The following DOCK2 variants were observed in gnomAD, a reference collection of about 807,000 sequenced individuals.
The protein encoded by DOCK2 is dedicator of cytokinesis 2, also known as dedicator of cytokinesis protein 2.
DOCK2 carries 87 observed loss-of-function variants against 248.9 expected under a neutral mutation model. The ratio of observed to expected loss-of-function variants is 0.35; its 90% CI spans 0.29 to 0.42. The LOEUF (loss-of-function observed/expected upper bound fraction) is 0.42. DOCK2 is among the 10% of genes least tolerant of loss of function. The pLI is 1.00. For missense variants in DOCK2, 1,747 were observed against 2,300.2 expected (o/e 0.76, Z 4.92); for synonymous variants, 805 against 821.6 (o/e 0.98, Z 0.35).
rs77089927 is a variant in DOCK2 at position 169,810,226 on chromosome 5, C to T, written c.2703+7020C>T. Among the ~76,000 whole-genome samples, 754 of 152,134 alleles carry T rather than the reference C, an allele frequency of 5.0e-3. 18 individuals carry two copies. The East Asian group carries it at 0.069, about 14-fold the overall frequency. On this transcript the variant is annotated intron_variant, in intron 26 of 51. Transcript: ENST00000520908. ...CTTCTTTTTGCCTTCTTTTCTTGTG[C>T]GCTGAGTGCTAGCAGGGTATTCTTC...
rs760655431 is a variant in DOCK2 at position 170,079,003 on chromosome 5, A to G, written c.5023A>G (p.Thr1675Ala). Residue 1675 changes from threonine to alanine, a missense_variant, in exon 49 of 52, where the codon ACG (threonine) becomes GCG (alanine). By Grantham distance (58) the Thr-to-Ala change is moderately conservative (BLOSUM62 0). Coordinates refer to ENST00000520908, the MANE Select transcript of DOCK2 (RefSeq NM_004946.3). ...SFDLELASPK[T>A]PRVEQEEPIS... ...TGACCTGGAATTAGCATCACCCAAG[A>G]CGCCGAGAGTGGAGCAGGAGGAACC... 2.0e-5 allele frequency: 32 copies of G among 1,613,930 alleles called. No homozygotes were observed. The highest frequency in any genetic ancestry group is 2.5e-5 in the Non-Finnish European group (30 of 1,180,006).
At chr5:169,720,973 C>T (rs1468542945) in intron 22 of DOCK2, among the ~76,000 whole-genome samples, 1 of 152,328 alleles carries the variant, frequency 6.6e-6, no homozygotes, top group East Asian at 1.9e-4. Flanking sequence ...CTGCCCACCT[C>T]GGCCTCCCAA....
At chr5:169,648,257 A>C (rs960241577) in intron 1 of DOCK2, among the ~76,000 whole-genome samples, 11 of 152,064 alleles carry the variant, frequency 7.2e-5, no homozygotes, top group African/African-American at 2.2e-4. Context: ...GCCTCTAGTC[A>C]CTAGAGGCTA....
At chr5:169,676,328 T>C (rs1338340889) in intron 6 of DOCK2, among the ~76,000 whole-genome samples, 1 of 152,198 alleles carries the variant, frequency 6.6e-6, no homozygotes, top group African/African-American at 2.4e-5. Context: ...ACATAGTAGG[T>C]TCTCAGTGAG....
chr5:169,905,296 T>TG (rs1554115681), intron 27 of DOCK2, among the ~76,000 whole-genome samples: 7 of 149,712 alleles, frequency 4.7e-5, no homozygotes, highest in Non-Finnish European at 1.0e-4. Context: ...AGCCAGTGTT[T>TG]TTTTTTTTTT....
intron 27 of DOCK2, among the ~76,000 whole-genome samples, chr5:169,851,956 A>G (rs1463123209): frequency 6.6e-6 from 1 of 152,204 alleles, no homozygotes; most frequent in African/African-American, 2.4e-5. Context: ...GTGGGGACAC[A>G]GCAAAACCAT....
intron 27 of DOCK2, among the ~76,000 whole-genome samples, chr5:169,932,957 G>A (rs547938021): frequency 6.0e-4 from 90 of 151,014 alleles, no homozygotes; most frequent in Admixed American, 4.5e-3. Flanking sequence ...TCCTCCCACC[G>A]TCAAGCCCTT....
chr5:169,958,111 C>G (rs148414058), intron 27 of DOCK2, among the ~76,000 whole-genome samples: 2 of 152,116 alleles, frequency 1.3e-5, no homozygotes, highest in African/African-American at 4.8e-5. Flanking sequence ...TGAAACATGA[C>G]GTCCACATGC....
intron 44 of DOCK2, 128 bp from the exon 45 acceptor site, chr5:170,067,382 T>C: frequency 1.1e-6 from 1 of 897,144 alleles, no homozygotes; most frequent in Non-Finnish European, 1.7e-6. Flanking sequence ...TACAAGATCC[T>C]GTTACAGCCC....
chr5:170,069,176 G>A lies in DOCK2; in HGVS notation c.4684G>A (p.Asp1562Asn), dbSNP rs764695890. Residue 1562 changes from aspartate (D) to asparagine (N), a missense_variant, in exon 46 of 52, where the codon GAC (aspartate) becomes AAC (asparagine). By Grantham distance (23) the Asp-to-Asn change is conservative. Around this residue, in one of 4 missense-constraint regions of DOCK2, gnomAD observed 513 missense variants for 586.1 expected, o/e 0.88. Transcript: ENST00000520908. ...TEEYVRDHPE[D>N]QDKLTHLKDL... The stretch of plus-strand genomic sequence containing the variant: ...AGAGTATGTCAGGGACCACCCTGAG[G>A]ACCAGGACAAGCTGACCCACCTCAA... 6.2e-7 allele frequency: 1 copy of A among 1,614,070 alleles called. No individual in the cohort carries two copies. Among genetic ancestry groups the A allele is most frequent in the Admixed American group, 1.7e-5 (1 of 60,022 alleles).
chr5:169,855,786 A>G (rs1394030158), intron 27 of DOCK2, among the ~76,000 whole-genome samples: 2 of 152,194 alleles, frequency 1.3e-5, no homozygotes, highest in African/African-American at 4.8e-5. Flanking sequence ...GTATGGTGGG[A>G]AAAGGGGAAG....
intron 27 of DOCK2, among the ~76,000 whole-genome samples, chr5:169,909,103 T>G (rs997686922): frequency 6.6e-6 from 1 of 152,218 alleles, no homozygotes; most frequent in Non-Finnish European, 1.5e-5. Context: ...GGAGAGTCTG[T>G]GGATGATTTC....
intron 36 of DOCK2, among the ~76,000 whole-genome samples, chr5:170,039,027 G>A (rs910795348): frequency 1.3e-5 from 2 of 152,252 alleles, no homozygotes; most frequent in African/African-American, 2.4e-5. Context: ...CGTTAGGCGG[G>A]AGGAAAGTGG....
In DOCK2 at chr5:169,669,342, G is replaced by A. The variant is rs762125912; in HGVS notation, c.168+14G>A. 1.9e-6 allele frequency: 3 copies of A among 1,614,060 alleles called. No homozygotes were observed. The Admixed American group carries it at 5.0e-5, about 27-fold the overall frequency. ...AAAATGTTACAGGTAAGGTCACCTGGTTTTTATTTGTGTCAGTACTGGAGG... is the reference window on the plus strand; with the variant it reads ...AAAATGTTACAGGTAAGGTCACCTGATTTTTATTTGTGTCAGTACTGGAGG... On this transcript the variant is annotated intron_variant, in intron 3 of 51. Transcript: ENST00000520908.
intron 22 of DOCK2, among the ~76,000 whole-genome samples, chr5:169,723,813 C>A (rs998160140): frequency 6.6e-6 from 1 of 152,138 alleles, no homozygotes; most frequent in African/African-American, 2.4e-5. Context: ...ACATGGCATA[C>A]TATATAGTAA....
intron 22 of DOCK2, among the ~76,000 whole-genome samples, chr5:169,719,065 T>C (rs1762056754): frequency 6.6e-6 from 1 of 152,250 alleles, no homozygotes; most frequent in Non-Finnish European, 1.5e-5. Flanking sequence ...CATTCTTCAT[T>C]TGATTTGAAA....
At chr5:170,030,235 C>A (rs1756083246) in intron 34 of DOCK2, among the ~76,000 whole-genome samples, 1 of 152,100 alleles carries the variant, frequency 6.6e-6, no homozygotes, top group Admixed American at 6.5e-5. Context: ...TAAAAGGAGT[C>A]CTTAGAGGTC....
At chr5:169,682,762 G>C (rs2113361325) in intron 7 of DOCK2, among the ~76,000 whole-genome samples, 1 of 152,196 alleles carries the variant, frequency 6.6e-6, no homozygotes, top group Middle Eastern at 3.4e-3. Flanking sequence ...TGACAATCAA[G>C]ATAAAGAACA....
intron 25 of DOCK2, among the ~76,000 whole-genome samples, chr5:169,789,897 C>T (rs528539356): frequency 6.6e-6 from 1 of 151,744 alleles, no homozygotes; most frequent in Non-Finnish European, 1.5e-5. Flanking sequence ...GTGGTTTTTT[C>T]CTTTCCTCTT....
Sources: allele counts gnomAD v4.1 joint callset (sites outside exome capture counted in the v4.1 genomes callset), GRCh38; gene constraint gnomAD v4.1.1; regional missense constraint gnomAD v4.1.1; transcripts MANE v1.5; gene names NCBI Gene and HGNC (gene_info 2026-07-23, HGNC 2026-07-21).